Variants in VEPH1 observed in about 807,000 individuals in gnomAD.
VEPH1 encodes the protein ventricular zone expressed PH domain containing 1.
A neutral mutation model predicts 85.2 loss-of-function variants in VEPH1; 80 were observed. That is an observed-to-expected ratio of 0.94 (90% CI 0.78 to 1.13). The LOEUF (loss-of-function observed/expected upper bound fraction) is 1.13. Ranked by LOEUF, VEPH1 falls within the 50% of genes most tolerant of loss-of-function variation. The probability of loss-of-function intolerance (pLI) is 0.00; values close to 1 mark genes in which losing one functional copy is unlikely to be tolerated. For synonymous variants in VEPH1, 297 were observed against 348.0 expected, an observed-to-expected ratio of 0.85 and a Z score of 1.63; for missense variants, 955 against 980.5, an observed-to-expected ratio of 0.97 and a Z score of 0.35.
chr3:157,265,449 C>A (rs1713496101), intron 13 of VEPH1, 77 bp downstream of exon 13: 6 of 1,490,946 alleles, frequency 4.0e-6, no homozygotes, highest in Non-Finnish European at 5.4e-6. Context: ...GAGTTTAAAC[C>A]CAAGACAAAA....
chr3:157,386,951 A>G (rs939643562), intron 6 of VEPH1, among the ~76,000 whole-genome samples: 1 of 152,246 alleles, frequency 6.6e-6, no homozygotes, highest in African/African-American at 2.4e-5. Context: ...CTTGGTGTCC[A>G]TGGACCATGC....
At chr3:157,486,157 ATAAT>A (rs1435089594) in intron 2 of VEPH1, among the ~76,000 whole-genome samples, 1 of 152,184 alleles carries the variant, frequency 6.6e-6, no homozygotes, top group East Asian at 1.9e-4. Context: ...AAGACATCCA[ATAAT>A]TAGAGAATAC....
intron 11 of VEPH1, among the ~76,000 whole-genome samples, chr3:157,312,944 G>A (rs1428673148): frequency 1.7e-5 from 2 of 118,958 alleles, no homozygotes; most frequent in African/African-American, 6.7e-5. Context: ...TCGCTCTGTC[G>A]CCCAGGCTGG....
At chr3:157,487,615 G>A (rs930933546) in intron 2 of VEPH1, among the ~76,000 whole-genome samples, 1 of 152,026 alleles carries the variant, frequency 6.6e-6, no homozygotes, top group Admixed American at 6.6e-5. Context: ...AAAGACAGTG[G>A]AAAAAGGACA....
chr3:157,365,929 A>T (rs1726636060), intron 7 of VEPH1, among the ~76,000 whole-genome samples: 1 of 152,150 alleles, frequency 6.6e-6, no homozygotes, highest in Admixed American at 6.5e-5. Flanking sequence ...TTGGCGGTTA[A>T]CTCGATCTTC....
At chr3:157,345,882 G>T (rs1319904791) in intron 9 of VEPH1, among the ~76,000 whole-genome samples, 1 of 152,168 alleles carries the variant, frequency 6.6e-6, no homozygotes, top group Non-Finnish European at 1.5e-5. Context: ...CCTTTGTAGG[G>T]ACATGGATGA....
intron 6 of VEPH1, among the ~76,000 whole-genome samples, chr3:157,402,801 C>T (rs747120909): frequency 2.0e-5 from 3 of 152,042 alleles, no homozygotes; most frequent in Non-Finnish European, 4.4e-5. Flanking sequence ...TCAAGATACC[C>T]TCTCAGTGTA....
At chr3:157,307,889 A>C (rs1719686800) in intron 11 of VEPH1, among the ~76,000 whole-genome samples, 1 of 151,630 alleles carries the variant, frequency 6.6e-6, no homozygotes, top group Non-Finnish European at 1.5e-5. Flanking sequence ...AATATTAAAA[A>C]ATTTTTTATC....
chr3:157,351,724 AC>A (rs1424514787), intron 9 of VEPH1, among the ~76,000 whole-genome samples: 2 of 152,170 alleles, frequency 1.3e-5, no homozygotes, highest in African/African-American at 4.8e-5. Flanking sequence ...TCTAACAAGT[AC>A]CCAGGTGATG....
At chr3:157,454,147 C>T (rs1735187849) in intron 4 of VEPH1, among the ~76,000 whole-genome samples, 1 of 151,728 alleles carries the variant, frequency 6.6e-6, no homozygotes, top group African/African-American at 2.4e-5. Context: ...TTTTAAATTC[C>T]TATAAAATTT....
intron 4 of VEPH1, among the ~76,000 whole-genome samples, chr3:157,459,366 C>T (rs1735634991): frequency 6.6e-6 from 1 of 152,162 alleles, no homozygotes; most frequent in African/African-American, 2.4e-5. Flanking sequence ...ACATAGGACA[C>T]CCTTGGGGAC....
In VEPH1 at chr3:157,286,614, T is replaced by C. The variant is rs984551424; in HGVS notation, c.2071A>G (p.Ser691Gly). Residue 691 changes from serine (S) to glycine (G), a missense_variant, in exon 12 of 14, where the codon AGT (serine) becomes GGT (glycine). Ser to Gly is a moderately conservative substitution (Grantham distance 56). Coordinates refer to ENST00000362010, the MANE Select transcript of VEPH1 (RefSeq NM_001167912.2). The part of the protein sequence containing the change: ...EVRFFDVFGF[S>G]ETAGAWQCFM... ...CATTGCCATGCTCCTGCTGTTTCAC[T>C]GAAGCCAAACACGTCAAAGAACCTC... 3 of 1,614,162 alleles carry C rather than the reference T, an allele frequency of 1.9e-6. No homozygotes were observed. The highest frequency in any genetic ancestry group is 2.5e-6 in the Non-Finnish European group (3 of 1,179,990).
rs762181480 is a variant in VEPH1, at chr3:157,404,431, T to C, written c.906+9450A>G. ...TCACAGCAGGGCAGATTGCAATGGC[T>C]TGGGAAAGTCCTAGAAATGTCTTTG... On this transcript the variant is annotated intron_variant, in intron 6 of 13. Transcript: ENST00000362010. Among the ~76,000 whole-genome samples the C allele has an allele frequency of 2.6e-4, 39 of 152,286 alleles. 1 individual carries two copies. Among genetic ancestry groups the C allele is most frequent in the Admixed American group, 9.2e-4 (14 of 15,292 alleles).
chr3:157,392,833 A>G (rs1046686152), intron 6 of VEPH1, among the ~76,000 whole-genome samples: 2 of 152,172 alleles, frequency 1.3e-5, no homozygotes, highest in African/African-American at 4.8e-5. Flanking sequence ...TCGGCGGCAG[A>G]TACTTTTGAT....
intron 11 of VEPH1, among the ~76,000 whole-genome samples, chr3:157,299,875 C>G (rs1481690766): frequency 6.6e-6 from 1 of 152,162 alleles, no homozygotes; most frequent in Admixed American, 6.5e-5. Context: ...ATAGTACCAG[C>G]TACTGTTTAT....
chr3:157,381,836 A>G (rs1435721486), intron 6 of VEPH1, among the ~76,000 whole-genome samples: 3 of 152,206 alleles, frequency 2.0e-5, no homozygotes, highest in African/African-American at 4.8e-5. Flanking sequence ...AGTTTCATTC[A>G]TAGTTCCTCT....
At chr3:157,402,559 C>A (rs1006823351) in intron 6 of VEPH1, among the ~76,000 whole-genome samples, 1 of 152,082 alleles carries the variant, frequency 6.6e-6, no homozygotes, top group African/African-American at 2.4e-5. Flanking sequence ...TTCAATGAAG[C>A]AAGATGGTTA....
intron 7 of VEPH1, among the ~76,000 whole-genome samples, chr3:157,379,159 A>C (rs1728476828): frequency 6.6e-6 from 1 of 152,166 alleles, no homozygotes; most frequent in Non-Finnish European, 1.5e-5. Context: ...TACAGAACAA[A>C]CCCTTGCTTC....
chr3:157,455,405 G>T (rs1467327293), intron 4 of VEPH1, among the ~76,000 whole-genome samples: 1 of 145,128 alleles, frequency 6.9e-6, no homozygotes, highest in Non-Finnish European at 1.5e-5. Flanking sequence ...TTTGAGAAGT[G>T]TCTGTTCATG....
Sources: allele counts gnomAD v4.1 joint callset (sites outside exome capture counted in the v4.1 genomes callset), GRCh38; gene constraint gnomAD v4.1.1; transcripts MANE v1.5; gene names NCBI Gene and HGNC (gene_info 2026-07-23, HGNC 2026-07-21).